EPG5: variants seen among roughly 807,000 people sequenced by gnomAD.
EPG5 encodes ectopic P-granules 5 autophagy tethering factor, also known as ectopic P granules protein 5 homolog.
EPG5 carries 159 observed loss-of-function variants against 302.7 expected under a neutral mutation model. The observed-to-expected ratio is 0.53, with a 90% CI of 0.46 to 0.60. EPG5 has a LOEUF of 0.60. Ranked by LOEUF, EPG5 falls within the 20% of genes least tolerant of loss-of-function variation. The pLI is 0.00. For synonymous variants in EPG5, 1,158 were observed against 1,136.8 expected (o/e 1.02, Z -0.37); for missense variants, 2,896 against 3,092.4 (o/e 0.94, Z 1.51).
chr18:45,816,576 C>T, the EPG5 span, among the ~76,000 whole-genome samples: 12 of 152,132 alleles, frequency 7.9e-5, no homozygotes, highest in South Asian at 1.2e-3. Context: ...AACCATAATG[C>T]GATACCACTT....
At chr18:45,921,319 G>C (rs565517534) in intron 16 of EPG5, among the ~76,000 whole-genome samples, 3 of 152,312 alleles carry the variant, frequency 2.0e-5, no homozygotes, top group Admixed American at 2.0e-4. Flanking sequence ...GTGTTACAGT[G>C]AGTCTAAAAC....
In EPG5 at chr18:45,951,117, G is replaced by A. The variant is rs1170547411; in HGVS notation, c.1374C>T (p.Leu458=). 6.3e-7 allele frequency: 1 copy of A among 1,578,130 alleles called. No individual in the cohort carries two copies. The highest frequency in any genetic ancestry group is 1.2e-5 in the South Asian group (1 of 81,816). The part of the protein sequence containing the change: ...EDTQFHDDIL[L]WLQKLVSVLQ... Reference sequence around the variant, plus strand: ...GTCCCCTTACCAATTTCTGCAGCCAGAGAAGAATATCATCATGAAACTGAG... The same window carrying A: ...GTCCCCTTACCAATTTCTGCAGCCAAAGAAGAATATCATCATGAAACTGAG... The change falls in exon 4 of 44, where the codon CTC becomes CTT. Residue 458 remains leucine (L), a synonymous_variant. Coordinates refer to ENST00000282041, the MANE Select transcript of EPG5 (RefSeq NM_020964.3).
the EPG5 span, among the ~76,000 whole-genome samples, chr18:45,835,584 C>T: frequency 6.6e-6 from 1 of 152,240 alleles, no homozygotes; most frequent in Non-Finnish European, 1.5e-5. Context: ...CACTCTCCCA[C>T]TCCAAGGGTG....
intron 10 of EPG5, among the ~76,000 whole-genome samples, chr18:45,937,982 A>T (rs1167093774): frequency 6.6e-6 from 1 of 152,146 alleles, no homozygotes; most frequent in East Asian, 1.9e-4. Flanking sequence ...CTAGGATGAG[A>T]GCTTTGCCTC....
At chr18:45,927,875 A>C (rs2145798371) in intron 13 of EPG5, among the ~76,000 whole-genome samples, 1 of 152,290 alleles carries the variant, frequency 6.6e-6, no homozygotes, top group Non-Finnish European at 1.5e-5. Flanking sequence ...AAAGCTTCTT[A>C]GAGCTGAAGG....
chr18:45,967,245 C>T lies in EPG5; in HGVS notation c.-6G>A, dbSNP rs1287611254. 2 of 1,590,446 alleles carry T rather than the reference C, an allele frequency of 1.3e-6. No individual in the cohort carries two copies. Among genetic ancestry groups the T allele is most frequent in the South Asian group, 1.1e-5 (1 of 87,794 alleles). ...GGCTTCACCGCCTCGGCCATAGACC[C>T]TTCCGCGGCGCCGTCACCGTTTGTT... On this transcript the variant is annotated 5_prime_UTR_variant, in exon 1 of 44. Coordinates refer to ENST00000282041, the MANE Select transcript of EPG5 (RefSeq NM_020964.3).
intron 11 of EPG5, among the ~76,000 whole-genome samples, chr18:45,932,245 A>G (rs961121824): frequency 6.6e-6 from 1 of 152,208 alleles, no homozygotes; most frequent in Non-Finnish European, 1.5e-5. Flanking sequence ...GGAAAGTGAA[A>G]TAACTTTCTA....
At chr18:45,817,155 T>C in the EPG5 span, among the ~76,000 whole-genome samples, 3 of 152,214 alleles carry the variant, frequency 2.0e-5, no homozygotes, top group African/African-American at 7.2e-5. Context: ...AGGCTACAAA[T>C]AGGATGCATT....
chr18:45,855,707 TC>T lies in EPG5; in HGVS notation c.7443-21del. On this transcript the variant is annotated intron_variant, in intron 42 of 43. Transcript: ENST00000282041. ...CGGAACCTTAGGCATTAGGGAGAGGTCAGAAGAAGTAAATGGCTATTAAAGT... is the reference window on the plus strand; with the variant it reads ...CGGAACCTTAGGCATTAGGGAGAGGTAGAAGAAGTAAATGGCTATTAAAGT... The T allele has an allele frequency of 6.5e-7, 1 of 1,534,092 alleles. No homozygotes were observed. Among genetic ancestry groups the T allele is most frequent in the Non-Finnish European group, 9.0e-7 (1 of 1,107,472 alleles).
chr18:45,881,724 G>A (rs905381944), intron 31 of EPG5, among the ~76,000 whole-genome samples: 1 of 152,172 alleles, frequency 6.6e-6, no homozygotes, highest in Non-Finnish European at 1.5e-5. Flanking sequence ...TAAGAAGGGG[G>A]AACAGAAGTG....
chr18:45,910,846 G>C lies in EPG5; in HGVS notation c.3984-104C>G, dbSNP rs148081820. The C allele has an allele frequency of 6.2e-3, 4,858 of 783,818 alleles. 29 individuals carry two copies. Among genetic ancestry groups the C allele is most frequent in the Non-Finnish European group, 8.7e-3 (4,287 of 493,682 alleles). The allele number at this position is 783,818 out of a possible 1,614,324, so 48.6% of individuals were successfully genotyped here. A position where few individuals can be genotyped will look rare whatever the true frequency, so the allele number is the denominator to read the frequency against. ...AGCAAGGCAATTTACTGTGATTGTG[G>C]ATATACACCATTAAATTAACACCTA... On this transcript the variant is annotated intron_variant, in intron 22 of 43. Transcript: ENST00000282041.
chr18:45,864,035 T>C (rs1306886661), intron 39 of EPG5, among the ~76,000 whole-genome samples: 1 of 152,210 alleles, frequency 6.6e-6, no homozygotes. Context: ...CCTTCTGGAA[T>C]TCTACTTGGA....
At chr18:45,924,342 C>G (rs2050223270) in intron 14 of EPG5, among the ~76,000 whole-genome samples, 1 of 152,226 alleles carries the variant, frequency 6.6e-6, no homozygotes, top group Non-Finnish European at 1.5e-5. Flanking sequence ...AAACAGCCCC[C>G]TGTAGCTCTT....
Position 45,925,790 on chromosome 18 carries a change from T to C in EPG5, c.2666A>G (p.Asn889Ser). ...TTCAAGAATAACACAGGCCAGTTTA[T>C]TCTTCACCACTGTCAGGTTGTAATT... is the stretch of plus-strand genomic sequence containing the variant. ...LLNYNLTVVK[N>S]KLACVILEGL... Residue 889 changes from asparagine (N) to serine (S), a missense_variant, in exon 14 of 44, where the codon AAT (asparagine) becomes AGT (serine). Coordinates refer to ENST00000282041, the MANE Select transcript of EPG5 (RefSeq NM_020964.3). The C allele has an allele frequency of 6.4e-7, 1 of 1,573,814 alleles. No individual in the cohort carries two copies. Among genetic ancestry groups the C allele is most frequent in the Non-Finnish European group, 8.6e-7 (1 of 1,163,894 alleles).
In EPG5 at chr18:45,858,568, T is replaced by TG; in HGVS notation, c.7223dup (p.Ser2409LysfsTer28). The TG allele has an allele frequency of 6.2e-7, 1 of 1,613,458 alleles. No homozygotes were observed. Among genetic ancestry groups the TG allele is most frequent in the Non-Finnish European group, 8.5e-7 (1 of 1,179,388 alleles). On this transcript the variant is annotated frameshift_variant, in exon 41 of 44. Transcript: ENST00000282041. LOFTEE classifies it high-confidence loss of function. ...TAACAGCCTGAGGGCCAACGTACCT[T>TG]GGGTACACCTGTTCCAGCCACTTGC...
At chr18:45,834,937 A>G in the EPG5 span, among the ~76,000 whole-genome samples, 1 of 152,222 alleles carries the variant, frequency 6.6e-6, no homozygotes, top group African/African-American at 2.4e-5. Context: ...AGAAGTACTG[A>G]CTGAACCAGC....
At chr18:45,900,404 CAAAAAAA>C (rs375366452) in intron 26 of EPG5, among the ~76,000 whole-genome samples, 1 of 111,980 alleles carries the variant, frequency 8.9e-6, no homozygotes, top group South Asian at 3.0e-4. Context: ...GACTCTGTCT[CAAAAAAA>C]AAAAAAAAAA....
the EPG5 span, chr18:45,838,375 C>T: frequency 2.4e-5 from 10 of 421,606 alleles, no homozygotes; most frequent in Admixed American, 4.3e-4. Flanking sequence ...AGAGCAGTGG[C>T]TCTCCACTCT....
the EPG5 span, among the ~76,000 whole-genome samples, chr18:45,812,277 C>T: frequency 6.6e-6 from 1 of 152,282 alleles, no homozygotes; most frequent in East Asian, 1.9e-4. Context: ...AGGACACAAA[C>T]AAATGGAAGA....
Sources: allele counts gnomAD v4.1 joint callset (sites outside exome capture counted in the v4.1 genomes callset), GRCh38; gene constraint gnomAD v4.1.1; transcripts MANE v1.5; gene names NCBI Gene and HGNC (gene_info 2026-07-23, HGNC 2026-07-21).